The following KLK7 variants were observed in gnomAD, a reference collection of about 807,000 sequenced individuals.
KLK7 encodes kallikrein-7.
A neutral mutation model predicts 21.0 loss-of-function variants in KLK7; 17 were observed. That is an observed-to-expected ratio of 0.81 (90% CI 0.55 to 1.21). The LOEUF is 1.21. Among genes scored for constraint, KLK7 ranks in the 50% most tolerant of loss-of-function variants. The pLI is 0.00. For synonymous variants in KLK7, 151 were observed against 134.6 expected (o/e 1.12, Z -0.85); for missense variants, 330 against 322.8 (o/e 1.02, Z -0.17).
chr19:50,979,875 G>T lies in KLK7; in HGVS notation c.519C>A (p.Pro173=). The change falls in exon 5 of 6, where the codon CCC becomes CCA. Residue 173 remains proline (P), a synonymous_variant. Transcript: ENST00000595820. ...LMCVDVKLIS[P]QDCTKVYKDL... ...CCTTGTAAACCTTCGTGCAGTCCTG[G>T]GGGGAGATGAGCTTGACATCCACGC... is the stretch of plus-strand genomic sequence containing the variant. The T allele has an allele frequency of 6.3e-7, 1 of 1,591,492 alleles. No individual in the cohort carries two copies. Among genetic ancestry groups the T allele is most frequent in the Non-Finnish European group, 8.6e-7 (1 of 1,168,838 alleles).
At chr19:50,981,203 G>A (rs890368243) in intron 3 of KLK7, among the ~76,000 whole-genome samples, 2 of 137,090 alleles carry the variant, frequency 1.5e-5, no homozygotes, top group Admixed American at 1.4e-4. Context: ...ACCAGAGAGA[G>A]AGGAGGGGGA....
Position 50,979,931 on chromosome 19 carries a change from G to A in KLK7, c.470-7C>T. The A allele has an allele frequency of 3.8e-6, 6 of 1,591,428 alleles. No homozygotes were observed. The highest frequency in any genetic ancestry group is 5.1e-6 in the Non-Finnish European group (6 of 1,168,748). ...AGGTCAGAGGGAAAGGTCACTGCAGGGAGGAGCAGGGAGAGCTGTCAGTCA... is the reference window on the plus strand; with the variant it reads ...AGGTCAGAGGGAAAGGTCACTGCAGAGAGGAGCAGGGAGAGCTGTCAGTCA... On this transcript the variant is annotated splice_polypyrimidine_tract_variant and splice_region_variant and intron_variant, in intron 4 of 5. Coordinates refer to ENST00000595820, the MANE Select transcript of KLK7 (RefSeq NM_005046.4).
chr19:50,977,433 C>A lies in KLK7; in HGVS notation c.*103G>T. On this transcript the variant is annotated 3_prime_UTR_variant, in exon 6 of 6. Coordinates refer to ENST00000595820, the MANE Select transcript of KLK7 (RefSeq NM_005046.4). ...GGGCATGAGGTTGGTTTAAATATAT[C>A]TTTGAGGAAAGGTAAAGTCAAATTT... 8.6e-7 allele frequency: 1 copy of A among 1,164,612 alleles called. No homozygotes were observed. The highest frequency in any genetic ancestry group is 2.4e-5 in the East Asian group (1 of 42,404). The allele number at this position is 1,164,612 out of a possible 1,614,324, so 72.1% of individuals were successfully genotyped here.
intron 4 of KLK7, 114 bp downstream of exon 4, chr19:50,980,126 A>G (rs1600110125): frequency 1.6e-6 from 2 of 1,216,890 alleles, no homozygotes; most frequent in Non-Finnish European, 2.2e-6. Flanking sequence ...CTGAGGGAGG[A>G]GGGGCTGAGG....
At chr19:50,981,276 G>T (rs2091083038) in intron 3 of KLK7, among the ~76,000 whole-genome samples, 1 of 145,380 alleles carries the variant, frequency 6.9e-6, no homozygotes, top group African/African-American at 2.6e-5. Context: ...CCCAGAAAGA[G>T]AGGAGGGGGA....
chr19:50,979,151 G>A (rs901004990), intron 5 of KLK7, among the ~76,000 whole-genome samples: 1 of 152,092 alleles, frequency 6.6e-6, no homozygotes, highest in Non-Finnish European at 1.5e-5. Context: ...GAGAGAAAGA[G>A]TGTTTTCCCC....
upstream of KLK7, chr19:50,983,944 A>G (rs887489386): frequency 1.6e-6 from 2 of 1,286,936 alleles, no homozygotes; most frequent in African/African-American, 1.5e-5. Context: ...GTCCTCTTAT[A>G]TCACCCCCCG....
intron 2 of KLK7, 138 bp from the exon 3 acceptor site, chr19:50,982,052 G>C (rs2091093594): frequency 9.8e-7 from 1 of 1,017,576 alleles, no homozygotes; most frequent in Non-Finnish European, 1.4e-6. Context: ...GCAAGAGATA[G>C]GGATAGAGAC....
chr19:50,983,606 C>T (rs560282328), intron 1 of KLK7, among the ~76,000 whole-genome samples: 1 of 152,304 alleles, frequency 6.6e-6, no homozygotes, highest in Admixed American at 6.5e-5. Flanking sequence ...CCCAAAATTC[C>T]TGTTCTTCAG....
In KLK7 at chr19:50,981,811, C is replaced by G; in HGVS notation, c.177G>C (p.Leu59=). The change falls in exon 3 of 6, where the codon CTG becomes CTC. Residue 59 remains leucine (L), a synonymous_variant. Coordinates refer to ENST00000595820, the MANE Select transcript of KLK7 (RefSeq NM_005046.4). ...CAGTGAGCACCCAGCGCTCATTGAC[C>G]AGGACGCCTCCGCAGTGGAGCTGAT... The part of the protein sequence containing the change: ...SGNQLHCGGV[L]VNERWVLTAA... 2 of 1,598,648 alleles carry G rather than the reference C, an allele frequency of 1.3e-6. No individual in the cohort carries two copies. The highest frequency in any genetic ancestry group is 1.7e-6 in the Non-Finnish European group (2 of 1,174,092).
At chr19:50,977,817 G>T in intron 5 of KLK7, 126 bp from the exon 6 acceptor site, 2 of 947,346 alleles carry the variant, frequency 2.1e-6, no homozygotes, top group Non-Finnish European at 1.6e-6. Context: ...AATGAGAAGA[G>T]ACTCATTGTC....
rs372010165 is a variant in KLK7, at chr19:50,982,415, C to T, written c.-16G>A. ...ATCTTGCCATGGTGCCCTGCTGAGC[C>T]GCTCAGGGGCTGCCAGGCGAGGAAG... On this transcript the variant is annotated 5_prime_UTR_variant, in exon 2 of 6. Coordinates refer to ENST00000595820, the MANE Select transcript of KLK7 (RefSeq NM_005046.4). 1.6e-4 allele frequency: 259 copies of T among 1,600,994 alleles called. No homozygotes were observed. Among genetic ancestry groups the T allele is most frequent in the Admixed American group, 1.0e-4 (6 of 57,672 alleles).
chr19:50,981,684 A>G (rs2091089851), intron 3 of KLK7, 83 bp downstream of exon 3: 2 of 1,295,320 alleles, frequency 1.5e-6, no homozygotes, highest in Non-Finnish European at 2.1e-6. Context: ...ATAGAGCCGT[A>G]GGCACAGAAA....
intron 2 of KLK7, 172 bp from the exon 3 acceptor site, chr19:50,982,086 AC>A: frequency 1.2e-6 from 1 of 852,286 alleles, no homozygotes. Flanking sequence ...CCACTCAGAA[AC>A]CCAGGAGGCG....
chr19:50,983,479 C>A (rs1287849853), intron 1 of KLK7, among the ~76,000 whole-genome samples: 5 of 145,232 alleles, frequency 3.4e-5, no homozygotes, highest in Non-Finnish European at 7.6e-5. Context: ...CCCCTCCTCC[C>A]TCAGACCCAG....
At position 50,981,816 on chromosome 19, in the gene KLK7, C is replaced by T. The variant is rs146109513; in HGVS notation, c.172G>A (p.Val58Ile). Reference protein sequence around the residue: ...LSGNQLHCGGVLVNERWVLTA... With the variant: ...LSGNQLHCGGILVNERWVLTA... ...AGCACCCAGCGCTCATTGACCAGGACGCCTCCGCAGTGGAGCTGATTGCCA... is the reference window on the plus strand; with the variant it reads ...AGCACCCAGCGCTCATTGACCAGGATGCCTCCGCAGTGGAGCTGATTGCCA... The change falls in exon 3 of 6, where the codon GTC (valine) becomes ATC (isoleucine). Residue 58 changes from valine (V) to isoleucine (I), a missense_variant. Val to Ile is a conservative substitution (Grantham distance 29, BLOSUM62 3). Transcript: ENST00000595820. 450 of 1,600,800 alleles carry T rather than the reference C, an allele frequency of 2.8e-4. No homozygotes were observed. The highest frequency in any genetic ancestry group is 4.4e-4 in the South Asian group (39 of 88,250).
At chr19:50,983,074 C>A (rs1192239671) in intron 1 of KLK7, among the ~76,000 whole-genome samples, 3 of 90,024 alleles carry the variant, frequency 3.3e-5, no homozygotes, top group African/African-American at 3.7e-5. Flanking sequence ...GCCCCAGCCC[C>A]TCCTCCCTCA....
chr19:50,979,569 C>T (rs557918620), intron 5 of KLK7, among the ~76,000 whole-genome samples: 24 of 152,354 alleles, frequency 1.6e-4, no homozygotes, highest in African/African-American at 5.8e-4. Flanking sequence ...TTTCTCACCC[C>T]TATTAAACTC....
rs112736390 is a variant in KLK7, at chr19:50,977,573, G to T, written c.725C>A (p.Thr242Asn). ...TTTCATGGTGTCATTTATCCACTTG[G>T]TGAACTTGCACACTTGAGTGTAGAC... ...PGVYTQVCKF[T>N]KWINDTMKKH... The change falls in exon 6 of 6, where the codon ACC (threonine) becomes AAC (asparagine). Residue 242 changes from threonine (T) to asparagine (N), a missense_variant. By Grantham distance (65) the Thr-to-Asn change is moderately conservative. Coordinates refer to ENST00000595820, the MANE Select transcript of KLK7 (RefSeq NM_005046.4). 1 of 1,613,964 alleles carries T rather than the reference G, an allele frequency of 6.2e-7. No homozygotes were observed. Among genetic ancestry groups the T allele is most frequent in the South Asian group, 1.1e-5 (1 of 91,076 alleles).
Sources: allele counts gnomAD v4.1 joint callset (sites outside exome capture counted in the v4.1 genomes callset), GRCh38; gene constraint gnomAD v4.1.1; transcripts MANE v1.5; gene names NCBI Gene and HGNC (gene_info 2026-07-23, HGNC 2026-07-21).